LARS1: variants seen among roughly 807,000 people sequenced by gnomAD.
LARS1 encodes leucine--tRNA ligase, cytoplasmic.
LARS1 carries 100 observed loss-of-function variants against 162.8 expected under a neutral mutation model. The observed-to-expected ratio is 0.61, with a 90% confidence interval of 0.52 to 0.73. LARS1 has a LOEUF of 0.73. Among genes scored for constraint, LARS1 ranks in the 30% least tolerant of loss-of-function variants. The probability of loss-of-function intolerance (pLI) is 0.00; values close to 1 mark genes in which losing one functional copy is unlikely to be tolerated. For missense variants in LARS1, 1,258 were observed against 1,408.9 expected, an observed-to-expected ratio of 0.89 and a Z score of 1.71; for synonymous variants, 457 against 462.8, an observed-to-expected ratio of 0.99 and a Z score of 0.16.
intron 31 of LARS1, among the ~76,000 whole-genome samples, chr5:146,114,825 C>T (rs1046774875): frequency 4.6e-5 from 7 of 151,626 alleles, no homozygotes; most frequent in East Asian, 1.9e-4. Flanking sequence ...GTGGGCAGAT[C>T]GCGAGGTCCG....
At chr5:146,174,820 AAACCTGTAATCCC>A (rs1754481638) in intron 2 of LARS1, among the ~76,000 whole-genome samples, 1 of 151,900 alleles carries the variant, frequency 6.6e-6, no homozygotes, top group African/African-American at 2.4e-5. Context: ...ATGGTGGCTC[AAACCTGTAATCCC>A]AACACTTTGG....
At chr5:146,149,205 T>C (rs1207493536) in intron 15 of LARS1, among the ~76,000 whole-genome samples, 2 of 152,174 alleles carry the variant, frequency 1.3e-5, no homozygotes, top group East Asian at 1.9e-4. Context: ...TAACAGACCA[T>C]TGTCTCTCAT....
chr5:146,151,840 A>T lies in LARS1; in HGVS notation c.1425+22T>A, dbSNP rs1753303076. 3 of 1,598,114 alleles carry T rather than the reference A, an allele frequency of 1.9e-6. No individual in the cohort carries two copies. The African/African-American group carries it at 4.0e-5, about 22-fold the overall frequency. On this transcript the variant is annotated intron_variant, in intron 14 of 31. Transcript: ENST00000394434. ...AGAGCATGGAGTAAAGCAAATAAAA[A>T]CTAAAAAAAATTATTACTTACACCC...
At chr5:146,155,435 G>T (rs1753480804) in intron 10 of LARS1, among the ~76,000 whole-genome samples, 1 of 152,178 alleles carries the variant, frequency 6.6e-6, no homozygotes, top group Admixed American at 6.5e-5. Flanking sequence ...GAACAAGAAT[G>T]GGTACTATAC....
At chr5:146,139,860 G>A (rs535443303) in intron 21 of LARS1, among the ~76,000 whole-genome samples, 10 of 107,604 alleles carry the variant, frequency 9.3e-5, no homozygotes, top group Non-Finnish European at 1.2e-4. Context: ...GGGAGACAGC[G>A]AGACTCCGTC....
At chr5:146,156,183 A>C (rs1407857432) in intron 10 of LARS1, among the ~76,000 whole-genome samples, 2 of 152,180 alleles carry the variant, frequency 1.3e-5, no homozygotes, top group Non-Finnish European at 2.9e-5. Context: ...ATTACTAACT[A>C]CCTCTAGAAT....
intron 7 of LARS1, 39 bp downstream of exon 7, chr5:146,160,335 T>C (rs111803618): frequency 3.4e-6 from 4 of 1,186,282 alleles, no homozygotes; most frequent in Admixed American, 5.2e-5. Context: ...TGTGCCCAAC[T>C]GATTTTTGCT....
intron 27 of LARS1, among the ~76,000 whole-genome samples, chr5:146,127,262 A>T (rs1053162534): frequency 3.3e-5 from 5 of 152,122 alleles, no homozygotes; most frequent in Admixed American, 2.0e-4. Flanking sequence ...ACTTTTACTA[A>T]AGTACATGGG....
chr5:146,116,069 C>T (rs1764193301), intron 31 of LARS1, among the ~76,000 whole-genome samples: 1 of 152,180 alleles, frequency 6.6e-6, no homozygotes, highest in Admixed American at 6.5e-5. Context: ...GCGACTACCA[C>T]AAAAGCAAAC....
chr5:146,151,788 T>G, intron 14 of LARS1, 74 bp downstream of exon 14: 3 of 1,349,016 alleles, frequency 2.2e-6, no homozygotes, highest in Non-Finnish European at 3.1e-6. Context: ...TAAATTTTTC[T>G]ACATTTTTTC....
chr5:146,133,141 T>C, intron 22 of LARS1, 60 bp from the exon 23 acceptor site: 7 of 1,433,200 alleles, frequency 4.9e-6, no homozygotes, highest in Non-Finnish European at 6.8e-6. Context: ...ATCAACTGTG[T>C]CCTATGTGTC....
Position 146,155,931 on chromosome 5 carries a change from G to A in LARS1, c.1065+1472C>T, listed in dbSNP as rs147159998. Reference sequence around the variant, plus strand: ...GAAACAATTCAAATATCCATTAATAGAGAATGGTTAAGTAAATTGTGGTAC... The same window carrying A: ...GAAACAATTCAAATATCCATTAATAAAGAATGGTTAAGTAAATTGTGGTAC... On this transcript the variant is annotated intron_variant, in intron 10 of 31. Coordinates refer to ENST00000394434, the MANE Select transcript of LARS1 (RefSeq NM_020117.11). 3.5e-3 allele frequency among the ~76,000 whole-genome samples: 537 copies of A among 152,298 alleles called. 2 individuals are homozygous for A. The highest frequency in any genetic ancestry group is 0.013 in the African/African-American group (522 of 41,564).
At chr5:146,115,266 C>G (rs186806051) in intron 31 of LARS1, among the ~76,000 whole-genome samples, 3 of 151,794 alleles carry the variant, frequency 2.0e-5, no homozygotes, top group Non-Finnish European at 4.4e-5. Flanking sequence ...TACAGAATAT[C>G]GAAAAATCTA....
At chr5:146,167,034 G>T (rs562368252) in intron 5 of LARS1, among the ~76,000 whole-genome samples, 4 of 152,246 alleles carry the variant, frequency 2.6e-5, no homozygotes, top group Admixed American at 2.6e-4. Flanking sequence ...CGATGAGAAA[G>T]CATCAAACAA....
chr5:146,122,712 T>C, intron 29 of LARS1, 125 bp from the exon 30 acceptor site: 1 of 450,790 alleles, frequency 2.2e-6, no homozygotes, highest in Non-Finnish European at 4.0e-6. Flanking sequence ...TGTGCAATTT[T>C]ATTATTTTCC....
intron 24 of LARS1, chr5:146,130,570 A>T: frequency 5.4e-6 from 1 of 186,288 alleles, no homozygotes; most frequent in Non-Finnish European, 1.1e-5. Flanking sequence ...ACTCAATGTG[A>T]TATTTTACAC....
intron 20 of LARS1, 133 bp from the exon 21 acceptor site, chr5:146,140,394 C>A: frequency 3.0e-6 from 2 of 656,776 alleles, no homozygotes; most frequent in Non-Finnish European, 5.4e-6. Flanking sequence ...ACACTATAGT[C>A]CTTTTTGTAA....
intron 28 of LARS1, among the ~76,000 whole-genome samples, chr5:146,125,895 A>G (rs1752022158): frequency 6.6e-6 from 1 of 151,950 alleles, no homozygotes; most frequent in Admixed American, 6.6e-5. Flanking sequence ...GATATTTTTC[A>G]TTGTCATAAC....
intron 14 of LARS1, among the ~76,000 whole-genome samples, chr5:146,151,092 C>T (rs960544971): frequency 1.3e-5 from 2 of 152,094 alleles, no homozygotes; most frequent in Non-Finnish European, 2.9e-5. Context: ...GCCTCCATTT[C>T]CTCATCCGTA....
Sources: gnomAD v4.1 joint callset for allele counts (sites outside exome capture counted in the v4.1 genomes callset) on GRCh38, gnomAD v4.1.1 for gene constraint, MANE v1.5 for transcripts, NCBI Gene and HGNC (gene_info 2026-07-23, HGNC 2026-07-21) for gene names.